The following L3MBTL3 variants were observed in gnomAD, a reference collection of about 807,000 sequenced individuals.
The protein encoded by L3MBTL3 is L3MBTL histone methyl-lysine binding protein 3, also known as lethal(3)malignant brain tumor-like protein 3.
L3MBTL3 carries 27 observed loss-of-function variants against 102.3 expected under a neutral mutation model. That is an observed-to-expected ratio of 0.26 (90% CI 0.19 to 0.36). The LOEUF is 0.36. L3MBTL3 is among the 10% of genes least tolerant of loss of function. The pLI is 1.00. For synonymous variants in L3MBTL3, 340 were observed against 320.9 expected (o/e 1.06, Z -0.64); for missense variants, 798 against 955.3 (o/e 0.84, Z 2.17).
chr6:130,062,555 A>ATTT (rs1175015608), intron 10 of L3MBTL3, among the ~76,000 whole-genome samples: 5 of 124,198 alleles, frequency 4.0e-5, no homozygotes, highest in South Asian at 2.7e-4. Context: ...GCCCAGCTAA[A>ATTT]TTTTTTTTTT....
intron 19 of L3MBTL3, among the ~76,000 whole-genome samples, chr6:130,105,482 T>G (rs1191789842): frequency 6.6e-6 from 1 of 151,982 alleles, no homozygotes; most frequent in Non-Finnish European, 1.5e-5. Context: ...ATAAACTCAT[T>G]TACCAAATCC....
chr6:130,078,088 C>T (rs141281952), intron 13 of L3MBTL3, among the ~76,000 whole-genome samples: 1 of 152,072 alleles, frequency 6.6e-6, no homozygotes, highest in African/African-American at 2.4e-5. Context: ...GTCTTAATAC[C>T]TGGTCTCTGT....
At position 130,066,379 on chromosome 6, in the gene L3MBTL3, C is replaced by T; in HGVS notation, c.891C>T (p.His297=). 1 of 1,607,754 alleles carries T rather than the reference C, an allele frequency of 6.2e-7. No individual in the cohort carries two copies. The highest frequency in any genetic ancestry group is 8.5e-7 in the Non-Finnish European group (1 of 1,177,202). ...AEVCGYRIKL[H]FDGYSDCYDF... The stretch of plus-strand genomic sequence containing the variant: ...TTTGTGGATACCGGATAAAGCTTCA[C>T]TTTGATGGGTATTCTGATTGCTATG... The change falls in exon 11 of 23, where the codon CAC becomes CAT. Residue 297 remains histidine, a synonymous_variant. Coordinates refer to ENST00000361794, the MANE Select transcript of L3MBTL3 (RefSeq NM_032438.4).
chr6:130,050,700 T>C (rs574100410), intron 5 of L3MBTL3, among the ~76,000 whole-genome samples: 1 of 152,320 alleles, frequency 6.6e-6, no homozygotes, highest in African/African-American at 2.4e-5. Flanking sequence ...AATTGGTGCC[T>C]AATAACTGCT....
intron 16 of L3MBTL3, among the ~76,000 whole-genome samples, chr6:130,087,683 G>T (rs909601626): frequency 1.3e-5 from 2 of 152,110 alleles, no homozygotes; most frequent in Non-Finnish European, 2.9e-5. Context: ...ATATATCAGT[G>T]CTGTTTATAG....
intron 15 of L3MBTL3, among the ~76,000 whole-genome samples, chr6:130,083,999 T>C (rs1210339902): frequency 6.6e-6 from 1 of 152,164 alleles, no homozygotes; most frequent in Non-Finnish European, 1.5e-5. Flanking sequence ...CAATCTTCTG[T>C]CTTTTTAGCT....
chr6:130,084,521 C>T (rs558875841), intron 15 of L3MBTL3, among the ~76,000 whole-genome samples: 3 of 151,874 alleles, frequency 2.0e-5, no homozygotes, highest in Non-Finnish European at 2.9e-5. Context: ...CCATAAGGCA[C>T]GAAGAGAAAC....
At chr6:130,050,249 A>G (rs1334380453) in intron 5 of L3MBTL3, among the ~76,000 whole-genome samples, 20 of 152,224 alleles carry the variant, frequency 1.3e-4, no homozygotes, top group Admixed American at 6.5e-5. Flanking sequence ...TTAGCAGAAC[A>G]TACAAAGATC....
intron 20 of L3MBTL3, among the ~76,000 whole-genome samples, chr6:130,122,571 A>T (rs536183100): frequency 6.6e-6 from 1 of 152,342 alleles, no homozygotes; most frequent in East Asian, 1.9e-4. Flanking sequence ...CTTGCTTAGA[A>T]CAGTGCCTGG....
At chr6:130,128,875 G>T (rs76890543) in intron 20 of L3MBTL3, among the ~76,000 whole-genome samples, 95 of 152,230 alleles carry the variant, frequency 6.2e-4, no homozygotes, top group East Asian at 2.7e-3. Flanking sequence ...CTTTTATCTC[G>T]CTGGAAGGTG....
intron 2 of L3MBTL3, among the ~76,000 whole-genome samples, chr6:130,032,581 G>T (rs1174502611): frequency 6.6e-6 from 1 of 152,132 alleles, no homozygotes; most frequent in East Asian, 1.9e-4. Flanking sequence ...TTACTATCTG[G>T]TAAGTACTAT....
Position 130,133,495 on chromosome 6 carries a change from A to G in L3MBTL3, c.2010A>G (p.Ser670=). 1 of 1,614,170 alleles carries G rather than the reference A, an allele frequency of 6.2e-7. No homozygotes were observed. The highest frequency in any genetic ancestry group is 1.1e-5 in the South Asian group (1 of 91,076). Reference sequence around the variant, plus strand: ...CCGTCCAGCAGGCACAGCGTCGGTCAGCTGTCTTTCTGTCCTTTAAGTCCC... The same window carrying G: ...CCGTCCAGCAGGCACAGCGTCGGTCGGCTGTCTTTCTGTCCTTTAAGTCCC... The part of the protein sequence containing the change: ...EPTVQQAQRR[S]AVFLSFKSPI... The change falls in exon 21 of 23, where the codon TCA becomes TCG. Residue 670 remains serine (S), a synonymous_variant. Coordinates refer to ENST00000361794, the MANE Select transcript of L3MBTL3 (RefSeq NM_032438.4). This position sits in a 1 kb window ranked among gnomAD's most constrained non-coding sequence, Gnocchi z 4.9.
Position 130,068,333 on chromosome 6 carries a change from A to G in L3MBTL3, c.1004A>G (p.Tyr335Cys), listed in dbSNP as rs1369119869. The G allele has an allele frequency of 4.5e-6, 7 of 1,554,502 alleles. No individual in the cohort carries two copies. The highest frequency in any genetic ancestry group is 5.3e-6 in the Non-Finnish European group (6 of 1,126,116). Residue 335 changes from tyrosine (Y) to cysteine (C), a missense_variant, in exon 12 of 23, where the codon TAT (tyrosine) becomes TGT (cysteine). Physicochemically the swap from Tyr to Cys is radical, Grantham distance 194. Around this residue, in one of 4 missense-constraint regions of L3MBTL3, gnomAD observed 434 missense variants for 506.6 expected, o/e 0.86. Coordinates refer to ENST00000361794, the MANE Select transcript of L3MBTL3 (RefSeq NM_032438.4). ...TGHKLHPPKGYKEEEFNWQTY... is the reference protein window; with the variant it reads ...TGHKLHPPKGCKEEEFNWQTY... ...TGTTCATATGTGCTTACTCTAGGGTATAAAGAAGAAGAATTCAATTGGCAG... is the reference window on the plus strand; with the variant it reads ...TGTTCATATGTGCTTACTCTAGGGTGTAAAGAAGAAGAATTCAATTGGCAG...
intron 19 of L3MBTL3, among the ~76,000 whole-genome samples, chr6:130,110,425 T>C (rs1413523389): frequency 6.6e-6 from 1 of 152,202 alleles, no homozygotes; most frequent in African/African-American, 2.4e-5. Context: ...TTCTAAGTTT[T>C]ATTCCTAGGT....
intron 19 of L3MBTL3, among the ~76,000 whole-genome samples, chr6:130,106,787 C>G (rs775205437): frequency 2.0e-5 from 3 of 152,172 alleles, no homozygotes; most frequent in Non-Finnish European, 2.9e-5. Context: ...TCCTGTTGGT[C>G]TCTTATAAAC....
At chr6:130,120,782 G>T in intron 19 of L3MBTL3, 97 bp from the exon 20 acceptor site, 1 of 876,486 alleles carries the variant, frequency 1.1e-6, no homozygotes, top group Non-Finnish European at 1.9e-6. Flanking sequence ...AGCATCCTTT[G>T]GTTTAAAATT....
chr6:130,133,947 C>T lies in L3MBTL3; in HGVS notation c.2199+42C>T. 1 of 1,454,586 alleles carries T rather than the reference C, an allele frequency of 6.9e-7. No individual in the cohort carries two copies. Among genetic ancestry groups the T allele is most frequent in the South Asian group, 1.1e-5 (1 of 87,682 alleles). The allele number at this position is 1,454,586 out of a possible 1,614,324, so 90.1% of individuals were successfully genotyped here. On this transcript the variant is annotated intron_variant, in intron 22 of 22. Coordinates refer to ENST00000361794, the MANE Select transcript of L3MBTL3 (RefSeq NM_032438.4). The surrounding 1 kb of genome is among the most constrained non-coding windows in gnomAD (Gnocchi z 4.9). ...ATTGCAATATGTTACTTAATGGGAT[C>T]AAAGCACTGAAATGCAGTGGAAGGT...
chr6:130,022,759 A>G (rs1431420978), intron 2 of L3MBTL3, among the ~76,000 whole-genome samples: 2 of 152,240 alleles, frequency 1.3e-5, no homozygotes, highest in Non-Finnish European at 2.9e-5. Flanking sequence ...TATTTGTCAC[A>G]TAACTTCTAT....
At chr6:130,068,526 C>G (rs2114984435) in intron 12 of L3MBTL3, 105 bp downstream of exon 12, 1 of 627,892 alleles carries the variant, frequency 1.6e-6, no homozygotes, top group South Asian at 2.1e-5. Context: ...ATTTTATCGC[C>G]TTGGTAAATA....
Sources: allele counts gnomAD v4.1 joint callset (sites outside exome capture counted in the v4.1 genomes callset), GRCh38; gene constraint gnomAD v4.1.1; regional missense constraint gnomAD v4.1.1; non-coding constraint Gnocchi (gnomAD v3.1); transcripts MANE v1.5; gene names NCBI Gene and HGNC (gene_info 2026-07-23, HGNC 2026-07-21).